HS6ST3: variants seen among roughly 807,000 people sequenced by gnomAD.
HS6ST3 encodes heparan-sulfate 6-O-sulfotransferase 3.
A neutral mutation model predicts 36.7 loss-of-function variants in HS6ST3; 12 were observed. The ratio of observed to expected loss-of-function variants is 0.33; its 90% CI spans 0.21 to 0.53. The LOEUF (loss-of-function observed/expected upper bound fraction) is 0.53, where lower values mean the gene tolerates loss of function less well. Ranked by LOEUF, HS6ST3 falls within the 20% of genes least tolerant of loss-of-function variation. The pLI, the probability that HS6ST3 is intolerant of heterozygous loss-of-function variation, is 0.95. For missense variants in HS6ST3, 584 were observed against 640.9 expected, an observed-to-expected ratio of 0.91 and a Z score of 0.96; for synonymous variants, 240 against 257.5, an observed-to-expected ratio of 0.93 and a Z score of 0.65.
chr13:96,828,880 T>TA (rs1221960687), intron 1 of HS6ST3, among the ~76,000 whole-genome samples: 1 of 152,188 alleles, frequency 6.6e-6, no homozygotes. Flanking sequence ...TTCTAAATGG[T>TA]ATAGGAAGTG....
At chr13:96,783,200 G>A (rs563347519) in intron 1 of HS6ST3, among the ~76,000 whole-genome samples, 1 of 152,252 alleles carries the variant, frequency 6.6e-6, no homozygotes, top group Admixed American at 6.5e-5. Flanking sequence ...CACTAAGGAT[G>A]TATGTTAGGG....
intron 1 of HS6ST3, among the ~76,000 whole-genome samples, chr13:96,715,222 T>TA (rs1274259249): frequency 6.6e-6 from 1 of 151,804 alleles, no homozygotes; most frequent in Non-Finnish European, 1.5e-5. Context: ...TTACTTAAAG[T>TA]AAAAAAGAAA....
chr13:96,466,720 C>T (rs1410817325), intron 1 of HS6ST3, among the ~76,000 whole-genome samples: 1 of 152,120 alleles, frequency 6.6e-6, no homozygotes, highest in East Asian at 1.9e-4. Context: ...AATCATTTCA[C>T]AGTACATGCA....
intron 1 of HS6ST3, among the ~76,000 whole-genome samples, chr13:96,486,128 C>T (rs192159046): frequency 1.3e-5 from 2 of 149,510 alleles, no homozygotes; most frequent in East Asian, 4.0e-4. Flanking sequence ...GGTTTTTTGT[C>T]CTTTCGATAG....
chr13:96,437,791 T>A (rs1478765189), intron 1 of HS6ST3, among the ~76,000 whole-genome samples: 4 of 152,262 alleles, frequency 2.6e-5, no homozygotes, highest in African/African-American at 4.8e-5. Context: ...GACAGTTCAA[T>A]ACATCTGATG....
intron 1 of HS6ST3, among the ~76,000 whole-genome samples, chr13:96,488,654 G>C (rs1299230654): frequency 6.6e-6 from 1 of 152,056 alleles, no homozygotes; most frequent in Non-Finnish European, 1.5e-5. Context: ...TTGGTGGGTA[G>C]AACTGGGCCA....
At chr13:96,289,930 C>T (rs746542446) in intron 1 of HS6ST3, among the ~76,000 whole-genome samples, 12 of 152,116 alleles carry the variant, frequency 7.9e-5, no homozygotes, top group Non-Finnish European at 1.8e-4. Flanking sequence ...CCCAAAAAGA[C>T]ATATAAGATG....
At chr13:96,702,149 A>G (rs530279924) in intron 1 of HS6ST3, among the ~76,000 whole-genome samples, 1 of 152,340 alleles carries the variant, frequency 6.6e-6, no homozygotes, top group South Asian at 2.1e-4. Context: ...GGTGAAGTCA[A>G]TTAGAGGCAA....
intron 1 of HS6ST3, among the ~76,000 whole-genome samples, chr13:96,803,894 G>C (rs1306527482): frequency 6.6e-6 from 1 of 152,036 alleles, no homozygotes; most frequent in Admixed American, 6.6e-5. Flanking sequence ...ATGCAAAAAA[G>C]ACATTTCTAA....
intron 1 of HS6ST3, among the ~76,000 whole-genome samples, chr13:96,715,032 A>C (rs2138464052): frequency 6.6e-6 from 1 of 152,268 alleles, no homozygotes; most frequent in South Asian, 2.1e-4. Context: ...ATTATTTATA[A>C]TAGTGAAGAT....
At chr13:96,795,952 A>G (rs1485526462) in intron 1 of HS6ST3, among the ~76,000 whole-genome samples, 1 of 152,092 alleles carries the variant, frequency 6.6e-6, no homozygotes, top group Non-Finnish European at 1.5e-5. Context: ...GTTTCCTGAT[A>G]TATCTGTTGA....
intron 1 of HS6ST3, among the ~76,000 whole-genome samples, chr13:96,746,769 G>A (rs1876572392): frequency 1.3e-5 from 2 of 151,878 alleles, no homozygotes; most frequent in South Asian, 4.2e-4. Context: ...CTAATTAATG[G>A]TATTATATCT....
At chr13:96,320,053 A>G (rs1177920928) in intron 1 of HS6ST3, among the ~76,000 whole-genome samples, 1 of 152,084 alleles carries the variant, frequency 6.6e-6, no homozygotes, top group Non-Finnish European at 1.5e-5. Context: ...TTCTTTCTGC[A>G]TGCTGGTGGA....
At chr13:96,436,979 A>G (rs1033185046) in intron 1 of HS6ST3, among the ~76,000 whole-genome samples, 1 of 151,392 alleles carries the variant, frequency 6.6e-6, no homozygotes, top group Admixed American at 6.6e-5. Context: ...TTTTTTTTCT[A>G]TTGTTCTTTT....
In HS6ST3 at chr13:96,780,063, G is replaced by A. The variant is rs114968325; in HGVS notation, c.708-52427G>A. Among the ~76,000 whole-genome samples the A allele has an allele frequency of 6.1e-3, 927 of 152,274 alleles. 7 individuals are homozygous for A. Among genetic ancestry groups the A allele is most frequent in the African/African-American group, 0.02 (842 of 41,560 alleles). ...GGCATGGAGGAGATGGATCTCAGTGGCAGACCTGGAACACAGTTCCTAAGG... is the reference window on the plus strand; with the variant it reads ...GGCATGGAGGAGATGGATCTCAGTGACAGACCTGGAACACAGTTCCTAAGG... On this transcript the variant is annotated intron_variant, in intron 1 of 1. Coordinates refer to ENST00000376705, the MANE Select transcript of HS6ST3 (RefSeq NM_153456.4).
intron 1 of HS6ST3, among the ~76,000 whole-genome samples, chr13:96,332,252 A>T (rs544194770): frequency 1.3e-5 from 2 of 152,256 alleles, no homozygotes; most frequent in African/African-American, 4.8e-5. Context: ...ATTTCATATC[A>T]TAGTTTTAAA....
intron 1 of HS6ST3, among the ~76,000 whole-genome samples, chr13:96,712,047 T>C (rs1299462348): frequency 1.3e-5 from 2 of 152,220 alleles, no homozygotes; most frequent in African/African-American, 4.8e-5. Context: ...TTGAACTCCA[T>C]TTTCCTGGGA....
At chr13:96,473,269 T>A (rs906554630) in intron 1 of HS6ST3, among the ~76,000 whole-genome samples, 1 of 152,200 alleles carries the variant, frequency 6.6e-6, no homozygotes, top group Non-Finnish European at 1.5e-5. Flanking sequence ...GGTTATTTTC[T>A]TATTGGAAAA....
intron 1 of HS6ST3, among the ~76,000 whole-genome samples, chr13:96,695,960 G>T (rs654343): frequency 6.6e-6 from 1 of 152,038 alleles, no homozygotes; most frequent in African/African-American, 2.4e-5. Context: ...GTAATAACTT[G>T]TTAAAATTTA....
Sources: gnomAD v4.1 joint callset for allele counts (sites outside exome capture counted in the v4.1 genomes callset) on GRCh38, gnomAD v4.1.1 for gene constraint, MANE v1.5 for transcripts, NCBI Gene and HGNC (gene_info 2026-07-23, HGNC 2026-07-21) for gene names.